PTBP1: variants seen among roughly 807,000 people sequenced by gnomAD.
PTBP1 encodes the protein polypyrimidine tract binding protein 1.
A neutral mutation model predicts 59.8 loss-of-function variants in PTBP1; 8 were observed. The observed-to-expected ratio is 0.13, with a 90% CI of 0.08 to 0.24. The LOEUF is 0.24. Among genes scored for constraint, PTBP1 ranks in the 10% least tolerant of loss-of-function variants. PTBP1 has a pLI of 1.00. For missense variants in PTBP1, 686 were observed against 767.0 expected (o/e 0.89, Z 1.25); for synonymous variants, 490 against 320.7 (o/e 1.53, Z -5.64).
In PTBP1 at chr19:804,993, C is replaced by CA. The variant is rs777688384; in HGVS notation, c.718-19dup. Reference sequence around the variant, plus strand: ...CCCTGGCCCTGGCCCGGCGACGTCTCACGGTCCCTCTCCCCTCAGTCGCTG... The same window carrying CA: ...CCCTGGCCCTGGCCCGGCGACGTCTCAACGGTCCCTCTCCCCTCAGTCGCTG... On this transcript the variant is annotated intron_variant, in intron 7 of 14. Coordinates refer to ENST00000356948, the MANE Select transcript of PTBP1 (RefSeq NM_002819.5). The CA allele has an allele frequency of 6.2e-7, 1 of 1,612,714 alleles. No individual in the cohort carries two copies. Among genetic ancestry groups the CA allele is most frequent in the Non-Finnish European group, 8.5e-7 (1 of 1,179,080 alleles).
At chr19:810,257 G>C (rs968629089) in intron 13 of PTBP1, among the ~76,000 whole-genome samples, 10 of 152,196 alleles carry the variant, frequency 6.6e-5, no homozygotes, top group African/African-American at 2.4e-4. Flanking sequence ...GGTGAGCTGA[G>C]ATCACGCCAC....
At chr19:807,036 A>G (rs1165228301) in intron 10 of PTBP1, 2 of 153,242 alleles carry the variant, frequency 1.3e-5, no homozygotes, top group East Asian at 1.9e-4. Flanking sequence ...GTAACTCTTG[A>G]TGGATGGGAT....
At chr19:806,824 T>G in intron 10 of PTBP1, 2 of 371,522 alleles carry the variant, frequency 5.4e-6, no homozygotes, top group Non-Finnish European at 9.7e-6. Context: ...ATCTAAAAAT[T>G]ACTTGGAGCT....
At chr19:809,974 C>T (rs1030027862) in intron 13 of PTBP1, among the ~76,000 whole-genome samples, 1 of 152,152 alleles carries the variant, frequency 6.6e-6, no homozygotes, top group African/African-American at 2.4e-5. Flanking sequence ...GTAGTAAGCC[C>T]TTTGATATTT....
chr19:805,060 C>G lies in PTBP1; in HGVS notation c.765C>G (p.Ile255Met), dbSNP rs373157311. 6.2e-7 allele frequency: 1 copy of G among 1,613,882 alleles called. No individual in the cohort carries two copies. The highest frequency in any genetic ancestry group is 8.5e-7 in the Non-Finnish European group (1 of 1,179,892). Residue 255 changes from isoleucine (I) to methionine (M), a missense_variant, in exon 8 of 15, where the codon ATC becomes ATG. Coordinates refer to ENST00000356948, the MANE Select transcript of PTBP1 (RefSeq NM_002819.5). ...NIYNACCTLR[I>M]DFSKLTSLNV... ...ACAACGCCTGCTGCACGCTGCGCAT[C>G]GACTTTTCCAAGCTCACCAGCCTCA...
chr19:804,717 T>C lies in PTBP1; in HGVS notation c.606+15T>C, dbSNP rs772906032. 1 of 1,610,476 alleles carries C rather than the reference T, an allele frequency of 6.2e-7. No homozygotes were observed. The highest frequency in any genetic ancestry group is 8.5e-7 in the Non-Finnish European group (1 of 1,177,512). Reference sequence around the variant, plus strand: ...TGCTGCACCAGGTGAGGTGGTCCCATCACCGCCAGGGCAGGTCGGCTGCTA... The same window carrying C: ...TGCTGCACCAGGTGAGGTGGTCCCACCACCGCCAGGGCAGGTCGGCTGCTA... On this transcript the variant is annotated intron_variant, in intron 6 of 14. Transcript: ENST00000356948.
In PTBP1 at chr19:811,075, CCTCGG is replaced by C. The variant is rs2034842238; in HGVS notation, c.*250_*254del. The stretch of plus-strand genomic sequence containing the variant: ...CGGCCCTCCACACCCGGGGCCAGAC[CCTCGG>C]GGCCATGCCTTGGTGGGGCCTGTGT... On this transcript the variant is annotated 3_prime_UTR_variant, in exon 15 of 15. Coordinates refer to ENST00000356948, the MANE Select transcript of PTBP1 (RefSeq NM_002819.5). 6 of 408,668 alleles carry C rather than the reference CCTCGG, an allele frequency of 1.5e-5. No homozygotes were observed. In the East Asian group the frequency reaches 2.5e-4, roughly 17 times the overall value. 25.3% of individuals were successfully genotyped at this position (408,668 alleles called of 1,614,324 possible). A position where few individuals can be genotyped will look rare whatever the true frequency, so the allele number is the denominator to read the frequency against.
At chr19:810,432 C>T in intron 13 of PTBP1, 111 bp from the exon 14 acceptor site, 1 of 847,118 alleles carries the variant, frequency 1.2e-6, no homozygotes, top group Non-Finnish European at 1.9e-6. Context: ...CCTAAAAGGC[C>T]CTACGCCTTC....
chr19:806,391 A>G lies in PTBP1; in HGVS notation c.971-17A>G. Reference sequence around the variant, plus strand: ...AGTCGGGGGCGCCGCCGCTCATCTCACCTCCTGCTTTTCCAGGCCTTTCCG... The same window carrying G: ...AGTCGGGGGCGCCGCCGCTCATCTCGCCTCCTGCTTTTCCAGGCCTTTCCG... On this transcript the variant is annotated splice_polypyrimidine_tract_variant and intron_variant, in intron 9 of 14. Transcript: ENST00000356948. The G allele has an allele frequency of 3.1e-6, 5 of 1,593,452 alleles. No homozygotes were observed. Among genetic ancestry groups the G allele is most frequent in the Non-Finnish European group, 4.3e-6 (5 of 1,171,300 alleles).
intron 10 of PTBP1, 32 bp downstream of exon 10, chr19:806,588 C>T (rs753361145): frequency 5.4e-6 from 8 of 1,468,188 alleles, no homozygotes; most frequent in East Asian, 2.7e-5. Flanking sequence ...GCCGCCGTTC[C>T]TCCCGGAAGA....
At chr19:806,880 C>G (rs943500882) in intron 10 of PTBP1, 3 of 229,762 alleles carry the variant, frequency 1.3e-5, no homozygotes. Flanking sequence ...CCCTGCTGGT[C>G]AGCGGGACAC....
chr19:805,701 GA>G, intron 9 of PTBP1, 132 bp downstream of exon 9: 1 of 784,716 alleles, frequency 1.3e-6, no homozygotes, highest in South Asian at 1.5e-5. Flanking sequence ...CTTCCCGGGA[GA>G]GGGGACGCCA....
At chr19:810,226 G>C (rs1283781378) in intron 13 of PTBP1, among the ~76,000 whole-genome samples, 2 of 152,206 alleles carry the variant, frequency 1.3e-5, no homozygotes, top group African/African-American at 4.8e-5. Context: ...AGAATCACTT[G>C]AACCTGCAGG....
Position 810,523 on chromosome 19 carries a change from A to ACG in PTBP1, c.1464-18_1464-17dup. The ACG allele has an allele frequency of 6.2e-7, 1 of 1,610,472 alleles. No homozygotes were observed. The highest frequency in any genetic ancestry group is 1.1e-5 in the South Asian group (1 of 90,742). ...CCCACCCCCACGCGGCCCCAGGCTC[A>ACG]CGCCTTTCTCCTCCCACAGGCCCTC... On this transcript the variant is annotated intron_variant, in intron 13 of 14. Coordinates refer to ENST00000356948, the MANE Select transcript of PTBP1 (RefSeq NM_002819.5).
chr19:802,638 C>G (rs1417523883), intron 2 of PTBP1, among the ~76,000 whole-genome samples: 5 of 152,134 alleles, frequency 3.3e-5, no homozygotes, highest in South Asian at 4.1e-4. Flanking sequence ...TGCAGAGGCT[C>G]GCTTTGCAGA....
chr19:803,459 C>T, intron 2 of PTBP1, 102 bp from the exon 3 acceptor site: 1 of 971,414 alleles, frequency 1.0e-6, no homozygotes, highest in Non-Finnish European at 1.6e-6. Context: ...GGTTGGGGGT[C>T]TGGGACCCCA....
In PTBP1 at chr19:804,526, C is replaced by A; in HGVS notation, c.436-6C>A. On this transcript the variant is annotated splice_region_variant and splice_polypyrimidine_tract_variant and intron_variant, in intron 5 of 14. Transcript: ENST00000356948. The stretch of plus-strand genomic sequence containing the variant: ...GGCCGGGGACTCACGGCTGTGCCTC[C>A]CACAGCGGGCCCAGGCGGCCCTGCA... The A allele has an allele frequency of 6.3e-7, 1 of 1,599,940 alleles. No individual in the cohort carries two copies. Among genetic ancestry groups the A allele is most frequent in the South Asian group, 1.1e-5 (1 of 90,174 alleles).
rs148369953 is a variant in PTBP1, at chr19:804,825, G to A, written c.607-4G>A. 1.3e-4 allele frequency: 214 copies of A among 1,613,022 alleles called. 1 individual carries two copies. In the African/African-American group the frequency reaches 2.6e-3, roughly 19 times the overall value. The stretch of plus-strand genomic sequence containing the variant: ...GAGCTCATGCTGTGGCCCGGGACCT[G>A]CAGATTTTCTCCAAGTTCGGCACAG... On this transcript the variant is annotated splice_polypyrimidine_tract_variant and splice_region_variant and intron_variant, in intron 6 of 14. Transcript: ENST00000356948.
At chr19:805,658 C>T (rs1230559781) in intron 9 of PTBP1, 89 bp downstream of exon 9, 17 of 1,139,888 alleles carry the variant, frequency 1.5e-5, no homozygotes, top group Admixed American at 6.9e-5. Flanking sequence ...GCAGCCTGGG[C>T]GGACTGGGCA....
Sources: allele counts gnomAD v4.1 joint callset (sites outside exome capture counted in the v4.1 genomes callset), GRCh38; gene constraint gnomAD v4.1.1; transcripts MANE v1.5; gene names NCBI Gene and HGNC (gene_info 2026-07-23, HGNC 2026-07-21).